The following PIP5K1B variants were observed in gnomAD, a reference collection of about 807,000 sequenced individuals.
The protein encoded by PIP5K1B is phosphatidylinositol-4-phosphate 5-kinase type 1 beta.
PIP5K1B carries 42 observed loss-of-function variants against 67.0 expected under a neutral mutation model. That is an observed-to-expected ratio of 0.63 (90% confidence interval 0.49 to 0.81). PIP5K1B has a LOEUF of 0.81. Ranked by LOEUF, PIP5K1B falls within the 30% of genes least tolerant of loss-of-function variation. PIP5K1B has a pLI of 0.00. For synonymous variants in PIP5K1B, 214 were observed against 231.4 expected (o/e 0.92, Z 0.68); for missense variants, 459 against 646.3 (o/e 0.71, Z 3.14).
chr9:68,924,662 A>T (rs964517124), intron 12 of PIP5K1B, among the ~76,000 whole-genome samples: 2 of 152,086 alleles, frequency 1.3e-5, no homozygotes, highest in Non-Finnish European at 2.9e-5. Context: ...TTATTTTATC[A>T]TTTTGCTATT....
chr9:68,724,696 G>A (rs1170844997), intron 1 of PIP5K1B, among the ~76,000 whole-genome samples: 1 of 151,764 alleles, frequency 6.6e-6, no homozygotes, highest in African/African-American at 2.4e-5. Context: ...ATTGTAAGTG[G>A]GGTTGCTTTC....
chr9:68,832,605 T>C lies in PIP5K1B; in HGVS notation c.69+9922T>C, dbSNP rs1247076727. Among the ~76,000 whole-genome samples, 5 of 152,288 alleles carry C rather than the reference T, an allele frequency of 3.3e-5. No individual in the cohort carries two copies. The South Asian group carries it at 8.3e-4, about 25-fold the overall frequency. ...ATATCATTAAGGAAGGAAAAGAAGATGGGCCGTGGGCTCTGTGGGGGCTGT... is the reference window on the plus strand; with the variant it reads ...ATATCATTAAGGAAGGAAAAGAAGACGGGCCGTGGGCTCTGTGGGGGCTGT... On this transcript the variant is annotated intron_variant, in intron 4 of 15. Transcript: ENST00000265382.
intron 2 of PIP5K1B, among the ~76,000 whole-genome samples, chr9:68,816,594 C>T (rs1176706138): frequency 6.6e-6 from 1 of 152,160 alleles, no homozygotes; most frequent in Non-Finnish European, 1.5e-5. Flanking sequence ...ATCCACAAGT[C>T]AATGTTTGGA....
At chr9:68,978,258 A>G (rs1194601869) in intron 14 of PIP5K1B, among the ~76,000 whole-genome samples, 1 of 152,172 alleles carries the variant, frequency 6.6e-6, no homozygotes, top group African/African-American at 2.4e-5. Flanking sequence ...TCTGGCATAC[A>G]TTTTGGCCAA....
intron 6 of PIP5K1B, among the ~76,000 whole-genome samples, chr9:68,887,374 C>T (rs1232207031): frequency 6.6e-6 from 1 of 152,040 alleles, no homozygotes; most frequent in African/African-American, 2.4e-5. Context: ...AACACAAAAG[C>T]CTGGCTGTTG....
chr9:68,910,663 T>A lies in PIP5K1B; in HGVS notation c.772-6885T>A, dbSNP rs191731661. Reference sequence around the variant, plus strand: ...AATATAGGTGTAACCTGAGGTAGAATTTTATATGACAGAGGGACACTAATA... The same window carrying A: ...AATATAGGTGTAACCTGAGGTAGAAATTTATATGACAGAGGGACACTAATA... On this transcript the variant is annotated intron_variant, in intron 8 of 15. Coordinates refer to ENST00000265382, the MANE Select transcript of PIP5K1B (RefSeq NM_003558.4). Among the ~76,000 whole-genome samples the A allele has an allele frequency of 1.2e-4, 19 of 152,310 alleles. No homozygotes were observed. In the East Asian group the frequency reaches 3.7e-3, roughly 29 times the overall value.
intron 4 of PIP5K1B, among the ~76,000 whole-genome samples, chr9:68,839,900 T>C (rs185970228): frequency 6.6e-6 from 1 of 152,342 alleles, no homozygotes; most frequent in East Asian, 1.9e-4. Context: ...TTCCTTGTTA[T>C]AAACTCATCA....
intron 8 of PIP5K1B, 69 bp from the exon 9 acceptor site, chr9:68,917,479 C>T (rs1826158978): frequency 1.8e-6 from 2 of 1,098,278 alleles, no homozygotes; most frequent in Non-Finnish European, 2.8e-6. Flanking sequence ...CTAGAGCTCT[C>T]TGATAATGAG....
chr9:68,778,358 T>G (rs1371934351), intron 2 of PIP5K1B, among the ~76,000 whole-genome samples: 1 of 152,226 alleles, frequency 6.6e-6, no homozygotes, highest in Admixed American at 6.5e-5. Context: ...CTTTCCACCT[T>G]GTGTTCTTCT....
intron 14 of PIP5K1B, chr9:68,966,728 G>A (rs1829053280): frequency 6.6e-6 from 1 of 152,240 alleles, no homozygotes; most frequent in South Asian, 2.1e-4. Flanking sequence ...ATATAGTATG[G>A]AGGTTAGTTA....
rs1289566449 is a variant in PIP5K1B, at chr9:68,753,388, G to A, written c.-86+10731G>A. ...TGAGTCTTACTCTGTCACTTAGGCT[G>A]GAGTGCAGTGGCATGATCTCGGCTC... On this transcript the variant is annotated intron_variant, in intron 2 of 15. Coordinates refer to ENST00000265382, the MANE Select transcript of PIP5K1B (RefSeq NM_003558.4). Among the ~76,000 whole-genome samples, 4 of 146,952 alleles carry A rather than the reference G, an allele frequency of 2.7e-5. No individual in the cohort carries two copies. The East Asian group carries it at 8.0e-4, about 29-fold the overall frequency.
intron 6 of PIP5K1B, among the ~76,000 whole-genome samples, chr9:68,881,556 G>C (rs1322023723): frequency 6.6e-6 from 1 of 152,196 alleles, no homozygotes; most frequent in African/African-American, 2.4e-5. Flanking sequence ...CCTGCGATAT[G>C]TGTGTATTTC....
intron 1 of PIP5K1B, among the ~76,000 whole-genome samples, chr9:68,732,503 A>T (rs1828492162): frequency 6.6e-6 from 1 of 152,214 alleles, no homozygotes; most frequent in African/African-American, 2.4e-5. Context: ...CAACCACAGC[A>T]TGTTTTAGAG....
chr9:68,993,421 C>G (rs1169748103), intron 15 of PIP5K1B, among the ~76,000 whole-genome samples: 1 of 152,160 alleles, frequency 6.6e-6, no homozygotes, highest in Non-Finnish European at 1.5e-5. Context: ...TTCAGATAGG[C>G]TTTTCTTGAC....
In PIP5K1B at chr9:68,708,473, A is replaced by G. The variant is rs546159897; in HGVS notation, c.-243+2711A>G. On this transcript the variant is annotated intron_variant, in intron 1 of 15. Transcript: ENST00000265382. The stretch of plus-strand genomic sequence containing the variant: ...GCTCTCTTTTCTGAAGGCATCATAT[A>G]GGGAAGAGCTTTTCTTTCTCCCTAG... Among the ~76,000 whole-genome samples the G allele has an allele frequency of 2.6e-5, 4 of 152,228 alleles. No individual in the cohort carries two copies. In the East Asian group the frequency reaches 5.8e-4, roughly 22 times the overall value.
intron 2 of PIP5K1B, chr9:68,789,753 T>C: frequency 4.2e-6 from 1 of 236,790 alleles, no homozygotes; most frequent in South Asian, 5.3e-5. Flanking sequence ...CAACCCCATC[T>C]TTCAAGACCA....
intron 2 of PIP5K1B, chr9:68,780,093 C>T (rs1368877151): frequency 8.8e-6 from 12 of 1,365,364 alleles, no homozygotes; most frequent in South Asian, 6.1e-5. Flanking sequence ...GCAGCGGCGG[C>T]GGCCCTGGAC....
At chr9:68,832,682 C>T (rs919698300) in intron 4 of PIP5K1B, among the ~76,000 whole-genome samples, 15 of 152,196 alleles carry the variant, frequency 9.9e-5, no homozygotes, top group African/African-American at 2.4e-4. Flanking sequence ...CTGACATGCA[C>T]GTACACCCAG....
chr9:68,990,456 G>T (rs1315540239), intron 14 of PIP5K1B, among the ~76,000 whole-genome samples: 1 of 151,736 alleles, frequency 6.6e-6, no homozygotes, highest in Non-Finnish European at 1.5e-5. Context: ...GATGCACAAG[G>T]TTATCTTTTG....
Sources: allele counts gnomAD v4.1 joint callset (sites outside exome capture counted in the v4.1 genomes callset), GRCh38; gene constraint gnomAD v4.1.1; transcripts MANE v1.5; gene names NCBI Gene and HGNC (gene_info 2026-07-23, HGNC 2026-07-21).